The following TREM1 variants were observed in gnomAD, a reference collection of about 807,000 sequenced individuals.
TREM1 encodes the protein triggering receptor expressed on monocytes 1.
A neutral mutation model predicts 22.4 loss-of-function variants in TREM1; 16 were observed. The ratio of observed to expected loss-of-function variants is 0.71; its 90% CI spans 0.48 to 1.08. The LOEUF is 1.08. Among genes scored for constraint, TREM1 ranks in the 50% least tolerant of loss-of-function variants. The pLI is 0.00. For synonymous variants in TREM1, 110 were observed against 111.6 expected, an observed-to-expected ratio of 0.99 and a Z score of 0.09; for missense variants, 283 against 282.9, an observed-to-expected ratio of 1.00 and a Z score of 0.00.
chr6:41,286,019 C>T (rs532802405), intron 1 of TREM1, among the ~76,000 whole-genome samples: 3 of 152,288 alleles, frequency 2.0e-5, no homozygotes, highest in South Asian at 2.1e-4. Context: ...CTGTGCGGAT[C>T]GTAAGAGGAG....
chr6:41,272,580 A>G (rs767607324), downstream of TREM1, among the ~76,000 whole-genome samples: 1 of 152,120 alleles, frequency 6.6e-6, no homozygotes, highest in Non-Finnish European at 1.5e-5. Flanking sequence ...CTGGGAAGGG[A>G]CCCAGGAATC....
downstream of TREM1, among the ~76,000 whole-genome samples, chr6:41,273,102 G>A (rs1285898321): frequency 4.6e-5 from 7 of 152,140 alleles, no homozygotes; most frequent in East Asian, 1.9e-4. Context: ...CCAGATCTGC[G>A]GATGAGGCTC....
At chr6:41,279,053 A>G (rs1438965900) in intron 3 of TREM1, among the ~76,000 whole-genome samples, 2 of 152,214 alleles carry the variant, frequency 1.3e-5, no homozygotes, top group African/African-American at 2.4e-5. Flanking sequence ...AAAGAATCAA[A>G]GGCTACTCTC....
chr6:41,280,379 T>C, intron 3 of TREM1: 1 of 988,508 alleles, frequency 1.0e-6, no homozygotes, highest in Middle Eastern at 5.2e-4. Flanking sequence ...TCTGCAAAAA[T>C]TCTGATTCTA....
At chr6:41,272,639 G>T (rs1767515681), downstream of TREM1, among the ~76,000 whole-genome samples, 1 of 151,972 alleles carries the variant, frequency 6.6e-6, no homozygotes, top group African/African-American at 2.4e-5. Flanking sequence ...AGTCCAAGTT[G>T]ACCATGTCTG....
intron 3 of TREM1, among the ~76,000 whole-genome samples, chr6:41,278,893 A>G (rs1767783826): frequency 6.6e-6 from 1 of 152,190 alleles, no homozygotes; most frequent in Non-Finnish European, 1.5e-5. Flanking sequence ...TCTAGGGGCA[A>G]GAAATCTAGG....
intron 3 of TREM1, chr6:41,280,260 A>T (rs1012774632): frequency 3.1e-6 from 3 of 979,868 alleles, no homozygotes; most frequent in Non-Finnish European, 3.6e-6. Flanking sequence ...ATAAATCAAC[A>T]TTTAATAACT....
Position 41,282,376 on chromosome 6 carries a change from C to A in TREM1, c.406+19G>T, listed in dbSNP as rs1767956135. The stretch of plus-strand genomic sequence containing the variant: ...TCCTCACCTGGCCCTTCTTTCCCCC[C>A]AAGTCCCAGGCCACTCACCCTTGGT... On this transcript the variant is annotated intron_variant, in intron 2 of 3. Transcript: ENST00000244709. The A allele has an allele frequency of 6.3e-7, 1 of 1,581,146 alleles. No homozygotes were observed. The highest frequency in any genetic ancestry group is 1.1e-5 in the South Asian group (1 of 87,556).
chr6:41,278,166 T>G (rs561306886), intron 3 of TREM1, among the ~76,000 whole-genome samples: 2 of 151,932 alleles, frequency 1.3e-5, no homozygotes, highest in South Asian at 4.2e-4. Flanking sequence ...GCTCAAGTGA[T>G]TCTCCCACCT....
intron 1 of TREM1, among the ~76,000 whole-genome samples, chr6:41,283,741 T>C (rs927351125): frequency 2.9e-5 from 4 of 140,150 alleles, no homozygotes; most frequent in Middle Eastern, 3.7e-3. Flanking sequence ...CACACACACA[T>C]ACACAAAGTA....
At chr6:41,280,879 C>T (rs758351446) in intron 3 of TREM1, 82 bp downstream of exon 3, 12 of 1,603,112 alleles carry the variant, frequency 7.5e-6, no homozygotes, top group South Asian at 1.1e-5. Flanking sequence ...CTTTCCCTCA[C>T]TTTCACATCC....
Position 41,276,120 on chromosome 6 carries a change from T to C in TREM1, c.*5A>G. ...GTCAGAGGACATTCTCGTGGGTTCGTGGGCCTAGGGTACAAATGACCTCAG... is the reference window on the plus strand; with the variant it reads ...GTCAGAGGACATTCTCGTGGGTTCGCGGGCCTAGGGTACAAATGACCTCAG... On this transcript the variant is annotated 3_prime_UTR_variant, in exon 4 of 4. Coordinates refer to ENST00000244709, the MANE Select transcript of TREM1 (RefSeq NM_018643.5). The C allele has an allele frequency of 6.2e-7, 1 of 1,612,916 alleles. No individual in the cohort carries two copies. Among genetic ancestry groups the C allele is most frequent in the Non-Finnish European group, 8.5e-7 (1 of 1,178,952 alleles).
At position 41,275,871 on chromosome 6, in the gene TREM1, T is replaced by C. The variant is rs181857646; in HGVS notation, c.*254A>G. ...GTCTGTATTTCATGCCAACCCCAAGTGGCTGGTGGAATGAAGGACCAAGCA... is the reference window on the plus strand; with the variant it reads ...GTCTGTATTTCATGCCAACCCCAAGCGGCTGGTGGAATGAAGGACCAAGCA... On this transcript the variant is annotated 3_prime_UTR_variant, in exon 4 of 4. Transcript: ENST00000244709. 3,275 of 529,102 alleles carry C rather than the reference T, an allele frequency of 6.2e-3. 45 individuals carry two copies. The highest frequency in any genetic ancestry group is 0.03 in the South Asian group (1,399 of 46,848). 32.8% of individuals were successfully genotyped at this position (529,102 alleles called of 1,614,324 possible). A position where few individuals can be genotyped will look rare whatever the true frequency, so the allele number is the denominator to read the frequency against.
At chr6:41,272,947 G>C (rs577156307), downstream of TREM1, among the ~76,000 whole-genome samples, 2 of 152,292 alleles carry the variant, frequency 1.3e-5, no homozygotes, top group African/African-American at 2.4e-5. Context: ...AGGCCCCAAT[G>C]TGTGAGTTTC....
chr6:41,282,975 A>G (rs572338193), intron 1 of TREM1, among the ~76,000 whole-genome samples: 3 of 152,244 alleles, frequency 2.0e-5, no homozygotes, highest in Non-Finnish European at 2.9e-5. Flanking sequence ...CATATGGTGC[A>G]TGAGGATCAA....
At chr6:41,280,755 G>A (rs979471579) in intron 3 of TREM1, 4 of 1,444,224 alleles carry the variant, frequency 2.8e-6, no homozygotes, top group Non-Finnish European at 3.6e-6. Flanking sequence ...GTGAACTGGG[G>A]AGAAGGACAG....
intron 1 of TREM1, among the ~76,000 whole-genome samples, chr6:41,282,957 A>AAAGT (rs1554147787): frequency 6.6e-6 from 1 of 151,350 alleles, no homozygotes; most frequent in Non-Finnish European, 1.5e-5. Context: ...TTTTACTATA[A>AAAGT]GAGACTGCAT....
At chr6:41,283,329 C>G (rs965878355) in intron 1 of TREM1, among the ~76,000 whole-genome samples, 1 of 152,142 alleles carries the variant, frequency 6.6e-6, no homozygotes, top group Non-Finnish European at 1.5e-5. Flanking sequence ...GCACCCCTTT[C>G]CAAGGGAACG....
At chr6:41,282,840 T>G in intron 1 of TREM1, 89 bp from the exon 2 acceptor site, 1 of 1,213,570 alleles carries the variant, frequency 8.2e-7, no homozygotes, top group Non-Finnish European at 1.2e-6. Context: ...CTGTTTTTCT[T>G]GTCCAACCAC....
Sources: gnomAD v4.1 joint callset for allele counts (sites outside exome capture counted in the v4.1 genomes callset) on GRCh38, gnomAD v4.1.1 for gene constraint, MANE v1.5 for transcripts, NCBI Gene and HGNC (gene_info 2026-07-23, HGNC 2026-07-21) for gene names.